The following TMPRSS3 variants were observed in gnomAD, a reference collection of about 807,000 sequenced individuals.
TMPRSS3 encodes the protein transmembrane serine protease 3.
Under a neutral mutation model 59.6 loss-of-function variants are expected in TMPRSS3, and 55 were observed. The ratio of observed to expected loss-of-function variants is 0.92; its 90% CI spans 0.74 to 1.16. The LOEUF (loss-of-function observed/expected upper bound fraction) is 1.16. Among genes scored for constraint, TMPRSS3 ranks in the 50% most tolerant of loss-of-function variants. TMPRSS3 has a pLI of 0.00. For missense variants in TMPRSS3, 596 were observed against 579.4 expected (o/e 1.03, Z -0.29); for synonymous variants, 257 against 237.7 (o/e 1.08, Z -0.75).
At chr21:42,385,668 C>T (rs1205613818) in intron 5 of TMPRSS3, 134 bp from the exon 6 acceptor site, 3 of 1,165,870 alleles carry the variant, frequency 2.6e-6, no homozygotes, top group Non-Finnish European at 2.5e-6. Context: ...CCATCAAAGG[C>T]TTCCTTTGCC....
intron 10 of TMPRSS3, 111 bp downstream of exon 10, chr21:42,380,006 G>A: frequency 1.1e-6 from 1 of 884,866 alleles, no homozygotes; most frequent in Admixed American, 2.0e-5. Context: ...CCCTGGCCGG[G>A]GTATCTGGGC....
At chr21:42,395,250 G>T in intron 2 of TMPRSS3, 74 bp downstream of exon 2, 1 of 1,272,956 alleles carries the variant, frequency 7.9e-7, no homozygotes, top group Non-Finnish European at 1.1e-6. Flanking sequence ...CCCCCACAGG[G>T]ACAGTCAGTC....
chr21:42,380,372 C>T (rs2052505942), intron 9 of TMPRSS3, among the ~76,000 whole-genome samples, 160 bp from the exon 10 acceptor site: 1 of 152,160 alleles, frequency 6.6e-6, no homozygotes, highest in Admixed American at 6.5e-5. Context: ...AGCAGGAGCC[C>T]CTTACCCCAT....
At chr21:42,385,035 TCCTCCCTCCCTCCCTTCCTTCCTCCCTC>T (rs2052604095) in intron 6 of TMPRSS3, among the ~76,000 whole-genome samples, 3 of 131,888 alleles carry the variant, frequency 2.3e-5, no homozygotes, top group African/African-American at 3.4e-5. Context: ...CTCCCTCTCT[TCCTCCCTCCCTCCCTTCCTTCCTCCCTC>T]CCTCCCTCCC....
chr21:42,394,805 G>A (rs1054540872), intron 2 of TMPRSS3, among the ~76,000 whole-genome samples: 5 of 152,200 alleles, frequency 3.3e-5, no homozygotes, highest in African/African-American at 1.2e-4. Context: ...GATCCTAGCC[G>A]TATAGGTTGC....
At chr21:42,383,632 C>T (rs954104483) in intron 7 of TMPRSS3, 4 of 547,284 alleles carry the variant, frequency 7.3e-6, no homozygotes, top group Middle Eastern at 4.9e-4. Flanking sequence ...ACGAGGGGCA[C>T]TGCCCGAGGC....
At chr21:42,389,159 T>C (rs2052691245) in intron 3 of TMPRSS3, 114 bp from the exon 4 acceptor site, 2 of 1,548,472 alleles carry the variant, frequency 1.3e-6, no homozygotes, top group Non-Finnish European at 1.7e-6. Flanking sequence ...GAAACCTGTA[T>C]TGAAATTGCG....
At chr21:42,383,263 C>CCAA in intron 7 of TMPRSS3, 65 bp from the exon 8 acceptor site, 1 of 1,546,040 alleles carries the variant, frequency 6.5e-7, no homozygotes, top group African/African-American at 1.4e-5. Context: ...ATGGTGTCAC[C>CCAA]ACCATGCACC....
Position 42,380,186 on chromosome 21 carries a change from T to C in TMPRSS3, c.979A>G (p.Asn327Asp). The change falls in exon 10 of 13, where the codon AAC (asparagine) becomes GAC (aspartate). Residue 327 changes from asparagine to aspartate, a missense_variant. Asn to Asp is a conservative substitution (Grantham distance 23, BLOSUM62 1). Coordinates refer to ENST00000644384, the MANE Select transcript of TMPRSS3 (RefSeq NM_001256317.3). ...NEMIQPVCLP[N>D]SEENFPDGKV... The stretch of plus-strand genomic sequence containing the variant: ...CCATCGGGGAAGTTCTCTTCAGAGT[T>C]GGGCAGGCACACAGGCTGGATCATT... 1.2e-6 allele frequency: 2 copies of C among 1,614,176 alleles called. No individual in the cohort carries two copies. Among genetic ancestry groups the C allele is most frequent in the Non-Finnish European group, 1.7e-6 (2 of 1,180,024 alleles).
Position 42,389,042 on chromosome 21 carries a change from T to A in TMPRSS3, c.209A>T (p.His70Leu). 8.7e-6 allele frequency: 14 copies of A among 1,614,122 alleles called. No individual in the cohort carries two copies. The highest frequency in any genetic ancestry group is 1.2e-5 in the Non-Finnish European group (14 of 1,180,020). The change falls in exon 4 of 13, where the codon CAC becomes CTC. Residue 70 changes from histidine to leucine, a missense_variant. His to Leu is a moderately conservative substitution (Grantham distance 99, BLOSUM62 -3). Transcript: ENST00000644384. ...TCTGTACTTCCCTGAGCAGTCGAAG[T>A]GGACTGGGAAAAGGGAGGAAGGCAG... is the stretch of plus-strand genomic sequence containing the variant. ...ILALAIGLGI[H>L]FDCSGKYRCR...
chr21:42,379,874 C>T (rs191071413), intron 10 of TMPRSS3, among the ~76,000 whole-genome samples: 1 of 152,180 alleles, frequency 6.6e-6, no homozygotes, highest in Non-Finnish European at 1.5e-5. Flanking sequence ...CTGCTGTGTT[C>T]GAGAAGGTCT....
chr21:42,391,694 A>G (rs911799274), intron 2 of TMPRSS3, among the ~76,000 whole-genome samples: 32 of 152,306 alleles, frequency 2.1e-4, no homozygotes, highest in African/African-American at 6.7e-4. Flanking sequence ...AGCCAGCACA[A>G]ACAGGATATT....
At chr21:42,391,528 T>C (rs992464367) in intron 2 of TMPRSS3, among the ~76,000 whole-genome samples, 6 of 152,194 alleles carry the variant, frequency 3.9e-5, no homozygotes, top group Non-Finnish European at 8.8e-5. Flanking sequence ...TATAATGCCT[T>C]CCTCCAGAGC....
rs764262141 is a variant in TMPRSS3, at chr21:42,376,614, T to C, written c.1118A>G (p.Asp373Gly). ...LISNKICNHR[D>G]VYGGIISPSM... The stretch of plus-strand genomic sequence containing the variant: ...GGGGGAGATGATGCCACCGTACACG[T>C]CCCTGTGGTTGCAGATCTTGTTGGA... The change falls in exon 11 of 13, where the codon GAC becomes GGC. Residue 373 changes from aspartate to glycine, a missense_variant. Transcript: ENST00000644384. 4 of 1,613,892 alleles carry C rather than the reference T, an allele frequency of 2.5e-6. No individual in the cohort carries two copies. In the East Asian group the frequency reaches 8.9e-5, roughly 36 times the overall value.
intron 12 of TMPRSS3, among the ~76,000 whole-genome samples, chr21:42,374,301 C>T (rs185726023): frequency 5.9e-5 from 9 of 152,358 alleles, no homozygotes; most frequent in Admixed American, 3.9e-4. Flanking sequence ...GCCCTCACCA[C>T]GCCCCGAGGG....
At chr21:42,394,436 T>G (rs1356730411) in intron 2 of TMPRSS3, among the ~76,000 whole-genome samples, 1 of 152,196 alleles carries the variant, frequency 6.6e-6, no homozygotes, top group East Asian at 1.9e-4. Context: ...AGGAAGAGAC[T>G]TTGCAGACAT....
In TMPRSS3 at chr21:42,388,403, C is replaced by G; in HGVS notation, c.446G>C (p.Ser149Thr). 6.2e-7 allele frequency: 1 copy of G among 1,614,210 alleles called. No homozygotes were observed. The highest frequency in any genetic ancestry group is 8.5e-7 in the Non-Finnish European group (1 of 1,180,044). ...NVACAQLGFP[S>T]YVSSDNLRVS... is the part of the protein sequence containing the mutation. ...GGGTTGGAAATGCTCTTTAACTTACCTTGGGAAACCCAGTTGGGCACAGGC... is the reference window on the plus strand; with the variant it reads ...GGGTTGGAAATGCTCTTTAACTTACGTTGGGAAACCCAGTTGGGCACAGGC... Residue 149 changes from serine to threonine, a missense_variant and splice_region_variant, in exon 5 of 13, where the codon AGC becomes ACC. Coordinates refer to ENST00000644384, the MANE Select transcript of TMPRSS3 (RefSeq NM_001256317.3). The surrounding 1 kb of genome is among the most constrained non-coding windows in gnomAD (Gnocchi z 5.1).
intron 7 of TMPRSS3, 73 bp downstream of exon 7, chr21:42,383,897 A>G (rs773409810): frequency 1.9e-5 from 28 of 1,505,616 alleles, no homozygotes; most frequent in Non-Finnish European, 2.6e-5. Flanking sequence ...GGGGGAGAGG[A>G]CTCTGAGGGC....
intron 10 of TMPRSS3, among the ~76,000 whole-genome samples, chr21:42,378,211 G>T (rs2052462543): frequency 6.6e-6 from 1 of 152,264 alleles, no homozygotes. Context: ...CAGGTGGGCA[G>T]CACTGCCAGT....
Sources: gnomAD v4.1 joint callset for allele counts (sites outside exome capture counted in the v4.1 genomes callset) on GRCh38, gnomAD v4.1.1 for gene constraint, Gnocchi (gnomAD v3.1) non-coding constraint, MANE v1.5 for transcripts, NCBI Gene and HGNC (gene_info 2026-07-23, HGNC 2026-07-21) for gene names.